The following VWA8 variants were observed in gnomAD, a reference collection of about 807,000 sequenced individuals.
The protein encoded by VWA8 is von Willebrand factor A domain containing 8.
Under a neutral mutation model 241.5 loss-of-function variants are expected in VWA8, and 221 were observed. The observed-to-expected ratio is 0.91, with a 90% CI of 0.82 to 1.02. VWA8 has a LOEUF of 1.02. Among genes scored for constraint, VWA8 ranks in the 50% least tolerant of loss-of-function variants. VWA8 has a pLI of 0.00. For missense variants in VWA8, 2,322 were observed against 2,328.7 expected, an observed-to-expected ratio of 1.00 and a Z score of 0.06; for synonymous variants, 852 against 827.1, an observed-to-expected ratio of 1.03 and a Z score of -0.52.
intron 34 of VWA8, among the ~76,000 whole-genome samples, chr13:41,689,129 T>C (rs978209218): frequency 6.6e-6 from 1 of 152,136 alleles, no homozygotes; most frequent in Non-Finnish European, 1.5e-5. Flanking sequence ...CATTTCCCCC[T>C]ACTAAATTCT....
In VWA8 at chr13:41,619,023, C is replaced by A. The variant is rs181423789; in HGVS notation, c.4612-3939G>T. Among the ~76,000 whole-genome samples, 568 of 152,170 alleles carry A rather than the reference C, an allele frequency of 3.7e-3. 6 individuals are homozygous for A. Among genetic ancestry groups the A allele is most frequent in the African/African-American group, 0.012 (498 of 41,496 alleles). ...CAATTCTGTGAAGAAAGTCATTGGT[C>A]GCTTGATGGGGATGGCATTGAATCT... On this transcript the variant is annotated intron_variant, in intron 37 of 44. Coordinates refer to ENST00000379310, the MANE Select transcript of VWA8 (RefSeq NM_015058.2).
intron 30 of VWA8, 149 bp from the exon 31 acceptor site, chr13:41,692,087 C>A: frequency 1.8e-6 from 1 of 557,082 alleles, no homozygotes; most frequent in African/African-American, 1.9e-5. Flanking sequence ...TGCTCTAAGA[C>A]TCTTATGGTA....
At chr13:41,934,366 G>C (rs1382557285) in intron 2 of VWA8, among the ~76,000 whole-genome samples, 1 of 151,926 alleles carries the variant, frequency 6.6e-6, no homozygotes, top group Admixed American at 6.6e-5. Flanking sequence ...TACACTGCTG[G>C]TGGAAATGTA....
At chr13:41,637,786 C>T (rs9594601) in intron 37 of VWA8, among the ~76,000 whole-genome samples, 9,952 of 152,186 alleles carry the variant, frequency 0.065, 613 homozygotes, top group African/African-American at 0.16. Context: ...CATGTTGTAA[C>T]AGTACATGAT....
chr13:41,702,755 T>C (rs532204918), intron 27 of VWA8, among the ~76,000 whole-genome samples: 43 of 152,374 alleles, frequency 2.8e-4, no homozygotes, highest in Non-Finnish European at 5.9e-5. Flanking sequence ...TGCTCTACTG[T>C]GCTGCCCTCA....
At chr13:41,884,811 A>C (rs1426237244) in intron 8 of VWA8, among the ~76,000 whole-genome samples, 1 of 151,618 alleles carries the variant, frequency 6.6e-6, no homozygotes, top group Non-Finnish European at 1.5e-5. Flanking sequence ...TTTGATAAAC[A>C]GGAGGAGAAA....
intron 25 of VWA8, among the ~76,000 whole-genome samples, chr13:41,720,919 T>C (rs754181035): frequency 2.6e-5 from 4 of 152,192 alleles, no homozygotes; most frequent in Non-Finnish European, 4.4e-5. Context: ...GCCTACTCTA[T>C]CTTGTGAAAC....
intron 21 of VWA8, among the ~76,000 whole-genome samples, chr13:41,733,083 T>C (rs1453096195): frequency 6.6e-6 from 1 of 152,228 alleles, no homozygotes; most frequent in East Asian, 1.9e-4. Flanking sequence ...TTGTGTTGTT[T>C]TGACTATCTA....
chr13:41,845,869 A>G (rs1474223062), intron 12 of VWA8, among the ~76,000 whole-genome samples: 1 of 152,116 alleles, frequency 6.6e-6, no homozygotes, highest in Non-Finnish European at 1.5e-5. Flanking sequence ...CTGAAAAATA[A>G]CTGTTGGGTA....
chr13:41,878,398 T>C (rs911081522), intron 9 of VWA8, among the ~76,000 whole-genome samples: 5 of 151,784 alleles, frequency 3.3e-5, no homozygotes, highest in African/African-American at 1.2e-4. Context: ...TGATAAAGAA[T>C]TATATCAATA....
rs1874513445 is a variant in VWA8, at chr13:41,885,973, G to C, written c.922C>G (p.Leu308Val). 6.2e-7 allele frequency: 1 copy of C among 1,607,624 alleles called. No homozygotes were observed. The highest frequency in any genetic ancestry group is 8.5e-7 in the Non-Finnish European group (1 of 1,178,424). Residue 308 changes from leucine (L) to valine (V), a missense_variant, in exon 8 of 45, where the codon CTT (leucine) becomes GTT (valine). Leu to Val is a conservative substitution (Grantham distance 32). Coordinates refer to ENST00000379310, the MANE Select transcript of VWA8 (RefSeq NM_015058.2). ...TTLCSQESST[L>V]GLPDFPLDSL... ...TCTAAAGGAAAGTCTGGAAGTCCAAGAGTAGAAGATTCTTGGGAACACAGA... is the reference window on the plus strand; with the variant it reads ...TCTAAAGGAAAGTCTGGAAGTCCAACAGTAGAAGATTCTTGGGAACACAGA...
intron 26 of VWA8, among the ~76,000 whole-genome samples, chr13:41,705,106 CAA>C (rs1204627318): frequency 6.6e-6 from 1 of 152,150 alleles, no homozygotes; most frequent in Non-Finnish European, 1.5e-5. Flanking sequence ...ATGTTTATCA[CAA>C]GAGGAACGAA....
At chr13:41,625,783 G>A (rs1302662177) in intron 37 of VWA8, among the ~76,000 whole-genome samples, 5 of 151,108 alleles carry the variant, frequency 3.3e-5, no homozygotes, top group Admixed American at 2.0e-4. Flanking sequence ...ACATGAACAC[G>A]TATGTTTATT....
chr13:41,575,812 A>T lies in VWA8; in HGVS notation c.5298T>A (p.Asp1766Glu). The stretch of plus-strand genomic sequence containing the variant: ...TTGGAACCAGACCAATGTTGTAGCC[A>T]TCTCCAGAGTGTCCAACGATGTCAT... ...FQYDIVGHSG[D>E]GYNIGLVPMN... is the part of the protein sequence containing the mutation. Residue 1766 changes from aspartate (D) to glutamate (E), a missense_variant, in exon 43 of 45, where the codon GAT becomes GAA. Transcript: ENST00000379310. 1 of 1,613,174 alleles carries T rather than the reference A, an allele frequency of 6.2e-7. No homozygotes were observed. Among genetic ancestry groups the T allele is most frequent in the Non-Finnish European group, 8.5e-7 (1 of 1,179,856 alleles).
chr13:41,726,960 A>G (rs986886532), intron 24 of VWA8, among the ~76,000 whole-genome samples: 1 of 152,112 alleles, frequency 6.6e-6, no homozygotes, highest in African/African-American at 2.4e-5. Flanking sequence ...ATGCCACTGC[A>G]CTCCAGTCTG....
At chr13:41,927,651 A>C (rs1876914912) in intron 2 of VWA8, among the ~76,000 whole-genome samples, 1 of 152,228 alleles carries the variant, frequency 6.6e-6, no homozygotes, top group Admixed American at 6.5e-5. Context: ...GCATAGTGTT[A>C]TAGAAAATCA....
intron 32 of VWA8, among the ~76,000 whole-genome samples, chr13:41,690,741 T>G (rs2045171003): frequency 6.6e-6 from 1 of 152,162 alleles, no homozygotes; most frequent in South Asian, 2.1e-4. Flanking sequence ...AATGAGATAC[T>G]TCTGCTTGTC....
At chr13:41,934,050 A>C (rs919923335) in intron 2 of VWA8, among the ~76,000 whole-genome samples, 1 of 151,684 alleles carries the variant, frequency 6.6e-6, no homozygotes, top group African/African-American at 2.4e-5. Context: ...AGACTAGAAT[A>C]ACATATTTGC....
intron 26 of VWA8, 83 bp downstream of exon 26, chr13:41,719,508 T>G: frequency 6.3e-7 from 1 of 1,594,878 alleles, no homozygotes; most frequent in South Asian, 1.1e-5. Context: ...GTAATTTCCA[T>G]AGCAACTCAG....
Sources: gnomAD v4.1 joint callset for allele counts (sites outside exome capture counted in the v4.1 genomes callset) on GRCh38, gnomAD v4.1.1 for gene constraint, MANE v1.5 for transcripts, NCBI Gene and HGNC (gene_info 2026-07-23, HGNC 2026-07-21) for gene names.